Variants in FBN1 observed in about 807,000 individuals in gnomAD.
FBN1 encodes the protein fibrillin 1.
In FBN1, 29 loss-of-function variants were observed where a neutral mutation model predicts 365.1. The ratio of observed to expected loss-of-function variants is 0.08; its 90% CI spans 0.06 to 0.11. The LOEUF is 0.11. Ranked by LOEUF, FBN1 falls within the 10% of genes least tolerant of loss-of-function variation. The pLI is 1.00. For missense variants in FBN1, 2,476 were observed against 3,703.2 expected, an observed-to-expected ratio of 0.67 and a Z score of 8.60; for synonymous variants, 1,210 against 1,270.5, an observed-to-expected ratio of 0.95 and a Z score of 1.01.
At position 48,410,031 on chromosome 15, in the gene FBN1, C is replaced by T. The variant is rs1158685518; in HGVS notation, c.*959G>A. ...GACTTTATTTAGCCTCCGGAATGGC[C>T]CCTCCAACCCCAAATCCATGCAAGA... On this transcript the variant is annotated 3_prime_UTR_variant, in exon 66 of 66. Transcript: ENST00000316623. The T allele has an allele frequency of 6.6e-6, 1 of 151,226 alleles. No individual in the cohort carries two copies. Among genetic ancestry groups the T allele is most frequent in the Non-Finnish European group, 1.5e-5 (1 of 67,112 alleles). The allele number at this position is 151,226 out of a possible 1,614,324, so 9.4% of individuals were successfully genotyped here.
intron 52 of FBN1, 85 bp downstream of exon 52, chr15:48,437,237 A>G: frequency 7.4e-7 from 1 of 1,356,628 alleles, no homozygotes; most frequent in East Asian, 2.3e-5. Context: ...ATTTTCCAAG[A>G]TAGATGGAGA....
chr15:48,445,141 CACACATATATATAT>C (rs1225276611), intron 48 of FBN1, among the ~76,000 whole-genome samples: 1 of 138,384 alleles, frequency 7.2e-6, no homozygotes, highest in African/African-American at 2.6e-5. Flanking sequence ...TATATACACA[CACACATATATATAT>C]ACATATATAT....
Position 48,422,065 on chromosome 15 carries a change from A to T in FBN1, c.7457T>A (p.Leu2486His). ...GTGTTGCTTGGTTGCACACTCATCA[A>T]GATCTACAAGAAAATGCAAGAGAGG... ...LQEDGRSCKDLDECATKQHNC... is the reference protein window; with the variant it reads ...LQEDGRSCKDHDECATKQHNC... Residue 2486 changes from leucine to histidine, a missense_variant, in exon 61 of 66, where the codon CTT (leucine) becomes CAT (histidine). Coordinates refer to ENST00000316623, the MANE Select transcript of FBN1 (RefSeq NM_000138.5). The T allele has an allele frequency of 6.2e-7, 1 of 1,608,810 alleles. No individual in the cohort carries two copies. The highest frequency in any genetic ancestry group is 8.5e-7 in the Non-Finnish European group (1 of 1,175,118).
At chr15:48,456,567 G>T in intron 44 of FBN1, 70 bp downstream of exon 44, 1 of 1,493,374 alleles carries the variant, frequency 6.7e-7, no homozygotes, top group Non-Finnish European at 9.3e-7. Context: ...TGTGAAATTC[G>T]CCAAGTGTGT....
At chr15:48,511,916 A>AT (rs1318426347) in intron 13 of FBN1, among the ~76,000 whole-genome samples, 1 of 152,122 alleles carries the variant, frequency 6.6e-6, no homozygotes, top group Admixed American at 6.6e-5. Flanking sequence ...CTGGACATTG[A>AT]TTTCATTTTA....
At chr15:48,485,674 T>A (rs146164792) in intron 29 of FBN1, among the ~76,000 whole-genome samples, 178 bp from the exon 30 acceptor site, 1 of 152,258 alleles carries the variant, frequency 6.6e-6, no homozygotes, top group African/African-American at 2.4e-5. Context: ...TTATAAAAGA[T>A]CAAGTTCAGC....
At chr15:48,504,952 T>C in intron 16 of FBN1, 73 bp downstream of exon 16, 1 of 1,593,712 alleles carries the variant, frequency 6.3e-7, no homozygotes, top group South Asian at 1.1e-5. Flanking sequence ...TAGAGAGCGT[T>C]TGTTACCATT....
chr15:48,607,364 A>T (rs946545432), intron 4 of FBN1, among the ~76,000 whole-genome samples: 6 of 27,812 alleles, frequency 2.2e-4, no homozygotes, highest in Admixed American at 7.7e-4. Flanking sequence ...ACACATACAT[A>T]TACATATATA....
At chr15:48,457,972 C>T (rs1172067129) in intron 43 of FBN1, among the ~76,000 whole-genome samples, 2 of 152,092 alleles carry the variant, frequency 1.3e-5, no homozygotes, top group African/African-American at 2.4e-5. Flanking sequence ...CTGCATCACC[C>T]TAATACAATC....
chr15:48,560,763 AT>A (rs2140656264), intron 6 of FBN1, among the ~76,000 whole-genome samples: 1 of 152,292 alleles, frequency 6.6e-6, no homozygotes, highest in African/African-American at 2.4e-5. Context: ...AATAGCTCAT[AT>A]ACTCAAGGAC....
intron 8 of FBN1, among the ~76,000 whole-genome samples, chr15:48,527,054 G>A (rs553330272): frequency 3.3e-5 from 5 of 152,330 alleles, no homozygotes; most frequent in Admixed American, 1.3e-4. Context: ...AGGCCCCTCC[G>A]ATTCCCCAAT....
At position 48,495,459 on chromosome 15, in the gene FBN1, A is replaced by C. The variant is rs878853679; in HGVS notation, c.2539+10T>G. The C allele has an allele frequency of 1.2e-6, 2 of 1,612,092 alleles. No homozygotes were observed. Among genetic ancestry groups the C allele is most frequent in the African/African-American group, 2.7e-5 (2 of 74,784 alleles). ...AAACATAGAAAAATCATTCTCAGAAAGATAAATACCTATGCAGATGGTTTT... is the reference window on the plus strand; with the variant it reads ...AAACATAGAAAAATCATTCTCAGAACGATAAATACCTATGCAGATGGTTTT... On this transcript the variant is annotated intron_variant, in intron 21 of 65. Coordinates refer to ENST00000316623, the MANE Select transcript of FBN1 (RefSeq NM_000138.5).
chr15:48,494,369 A>C, intron 22 of FBN1, 115 bp from the exon 23 acceptor site: 2 of 795,932 alleles, frequency 2.5e-6, no homozygotes, highest in Admixed American at 3.8e-5. Context: ...CATGAAGTAG[A>C]TTGTGTTGCT....
At chr15:48,607,644 T>G (rs182631092) in intron 4 of FBN1, among the ~76,000 whole-genome samples, 212 of 152,064 alleles carry the variant, frequency 1.4e-3, no homozygotes, top group African/African-American at 4.9e-3. Flanking sequence ...CCTCTTGATC[T>G]TGGACTTCCC....
In FBN1 at chr15:48,470,731, G is replaced by C; in HGVS notation, c.4362C>G (p.Asn1454Lys). 6.2e-7 allele frequency: 1 copy of C among 1,614,004 alleles called. No individual in the cohort carries two copies. ...CEDIDECSLP[N>K]ICVFGTCHNL... ...TGTGGCAAGTTCCAAAGACACAGATGTTCGGAAGGGAGCACTCATCAATAT... is the reference window on the plus strand; with the variant it reads ...TGTGGCAAGTTCCAAAGACACAGATCTTCGGAAGGGAGCACTCATCAATAT... Residue 1454 changes from asparagine to lysine, a missense_variant, in exon 36 of 66, where the codon AAC (asparagine) becomes AAG (lysine). Around this residue, in one of 5 missense-constraint regions of FBN1, gnomAD observed 1,780 missense variants for 2,840.8 expected, o/e 0.63. Coordinates refer to ENST00000316623, the MANE Select transcript of FBN1 (RefSeq NM_000138.5).
chr15:48,474,181 T>G, intron 34 of FBN1, 74 bp downstream of exon 34: 2 of 1,604,466 alleles, frequency 1.2e-6, no homozygotes, highest in Non-Finnish European at 1.7e-6. Flanking sequence ...AAAAAAGAAT[T>G]GCTAGCCTGA....
At chr15:48,508,974 A>C (rs956136830) in intron 14 of FBN1, among the ~76,000 whole-genome samples, 4 of 152,208 alleles carry the variant, frequency 2.6e-5, no homozygotes, top group African/African-American at 9.6e-5. Context: ...ACTCCATAGA[A>C]GTTATCAGGA....
intron 15 of FBN1, 24 bp downstream of exon 15, chr15:48,508,558 G>A: frequency 1.9e-6 from 3 of 1,613,538 alleles, no homozygotes; most frequent in Non-Finnish European, 1.7e-6. Context: ...TGAAGAACAT[G>A]ATCTAGGGTT....
At chr15:48,477,344 T>G (rs1035345593) in intron 32 of FBN1, among the ~76,000 whole-genome samples, 2 of 152,342 alleles carry the variant, frequency 1.3e-5, no homozygotes, top group Admixed American at 1.3e-4. Flanking sequence ...CTGTGTATCA[T>G]GGGCTTTTGG....
Sources: gnomAD v4.1 joint callset for allele counts (sites outside exome capture counted in the v4.1 genomes callset) on GRCh38, gnomAD v4.1.1 for gene constraint, gnomAD v4.1.1 regional missense constraint, MANE v1.5 for transcripts, NCBI Gene and HGNC (gene_info 2026-07-23, HGNC 2026-07-21) for gene names.